Variants in SHISAL1 observed in about 807,000 individuals in gnomAD.
SHISAL1 encodes shisa like 1.
SHISAL1 carries 9 observed loss-of-function variants against 22.6 expected under a neutral mutation model. The ratio of observed to expected loss-of-function variants is 0.40; its 90% CI spans 0.24 to 0.70. SHISAL1 has a LOEUF of 0.70. SHISAL1 is among the 30% of genes least tolerant of loss of function. The pLI is 0.39. For missense variants in SHISAL1, 246 were observed against 270.6 expected, an observed-to-expected ratio of 0.91 and a Z score of 0.64; for synonymous variants, 119 against 115.4, an observed-to-expected ratio of 1.03 and a Z score of -0.20.
the SHISAL1 span, among the ~76,000 whole-genome samples, chr22:44,318,959 C>A: frequency 6.6e-6 from 1 of 152,222 alleles, no homozygotes; most frequent in African/African-American, 2.4e-5. Context: ...CCACAGCTGG[C>A]ACCACCCACA....
At chr22:44,313,383 G>A (rs780931513), upstream of SHISAL1, among the ~76,000 whole-genome samples, 1 of 152,230 alleles carries the variant, frequency 6.6e-6, no homozygotes, top group Non-Finnish European at 1.5e-5. Flanking sequence ...CCCCACACCA[G>A]CCCGGGGAGG....
intron 4 of SHISAL1, among the ~76,000 whole-genome samples, chr22:44,263,224 C>G (rs561050166): frequency 4.6e-5 from 7 of 152,040 alleles, no homozygotes; most frequent in South Asian, 4.2e-4. Flanking sequence ...GCACCCACCA[C>G]CACGCCCAGT....
intron 4 of SHISAL1, among the ~76,000 whole-genome samples, chr22:44,270,379 C>G (rs1331527871): frequency 6.6e-6 from 1 of 152,140 alleles, no homozygotes; most frequent in East Asian, 1.9e-4. Context: ...TGTGGGGTGA[C>G]AAGGACGTGT....
At chr22:44,268,047 C>G (rs1258801281) in intron 4 of SHISAL1, among the ~76,000 whole-genome samples, 1 of 152,208 alleles carries the variant, frequency 6.6e-6, no homozygotes, top group Non-Finnish European at 1.5e-5. Context: ...TGGGGGCTTC[C>G]ATTATTCACA....
At chr22:44,322,835 G>A in the SHISAL1 span, among the ~76,000 whole-genome samples, 1 of 152,156 alleles carries the variant, frequency 6.6e-6, no homozygotes, top group South Asian at 2.1e-4. Context: ...GTCCTCAAAG[G>A]GAAGCTTCTG....
At chr22:44,291,347 A>G (rs1251681152) in intron 3 of SHISAL1, among the ~76,000 whole-genome samples, 1 of 152,220 alleles carries the variant, frequency 6.6e-6, no homozygotes, top group Non-Finnish European at 1.5e-5. Flanking sequence ...AACTAAGCCC[A>G]GGATGACCGA....
At chr22:44,267,135 A>G (rs1322955905) in intron 4 of SHISAL1, among the ~76,000 whole-genome samples, 1 of 152,038 alleles carries the variant, frequency 6.6e-6, no homozygotes, top group Admixed American at 6.5e-5. Context: ...AGGGCAGGGC[A>G]CGCAGCCCAC....
chr22:44,298,242 A>G (rs949936247), intron 2 of SHISAL1, among the ~76,000 whole-genome samples: 8 of 152,222 alleles, frequency 5.3e-5, no homozygotes, highest in African/African-American at 1.7e-4. Flanking sequence ...AGCCCCAAGT[A>G]GACAGCTGTC....
chr22:44,324,233 T>C, the SHISAL1 span, among the ~76,000 whole-genome samples: 2 of 152,166 alleles, frequency 1.3e-5, no homozygotes, highest in Admixed American at 1.3e-4. Context: ...GAGGGAAATA[T>C]GCAGCCCCCA....
At chr22:44,291,161 T>C (rs867670723) in intron 3 of SHISAL1, among the ~76,000 whole-genome samples, 49 of 152,336 alleles carry the variant, frequency 3.2e-4, no homozygotes, top group African/African-American at 1.2e-3. Context: ...CACCACTGCC[T>C]TCTCCTTCTA....
intron 3 of SHISAL1, among the ~76,000 whole-genome samples, chr22:44,290,721 G>A (rs1182131099): frequency 1.3e-5 from 2 of 152,100 alleles, no homozygotes; most frequent in African/African-American, 4.8e-5. Context: ...TTCCTTGTCT[G>A]TGAAATGGGG....
chr22:44,307,358 G>A (rs556463812), intron 1 of SHISAL1, among the ~76,000 whole-genome samples: 11 of 152,190 alleles, frequency 7.2e-5, no homozygotes, highest in Non-Finnish European at 1.2e-4. Flanking sequence ...GAAGGGGGAA[G>A]CTGAGACTCA....
At chr22:44,330,350 C>T in the SHISAL1 span, among the ~76,000 whole-genome samples, 1 of 152,220 alleles carries the variant, frequency 6.6e-6, no homozygotes, top group Non-Finnish European at 1.5e-5. Flanking sequence ...CAGAGAGTCC[C>T]TGTGTGGGGC....
At chr22:44,290,828 T>C (rs1050691124) in intron 3 of SHISAL1, among the ~76,000 whole-genome samples, 3 of 152,138 alleles carry the variant, frequency 2.0e-5, no homozygotes, top group South Asian at 4.2e-4. Flanking sequence ...GCTCGTGTGA[T>C]TAAGGCACAG....
the SHISAL1 span, among the ~76,000 whole-genome samples, chr22:44,322,484 T>TGCTCC: frequency 6.6e-6 from 1 of 152,220 alleles, no homozygotes. Flanking sequence ...AATCCACCTC[T>TGCTCC]GCTCCCTGTC....
chr22:44,292,800 G>A (rs2055361632), intron 3 of SHISAL1, among the ~76,000 whole-genome samples: 1 of 152,234 alleles, frequency 6.6e-6, no homozygotes, highest in South Asian at 2.1e-4. Flanking sequence ...TTGAAACTGG[G>A]CAGCTGGGAA....
intron 4 of SHISAL1, among the ~76,000 whole-genome samples, chr22:44,255,847 T>G (rs932962779): frequency 2.6e-5 from 4 of 152,254 alleles, no homozygotes; most frequent in African/African-American, 9.6e-5. Context: ...TGGTTTGTTT[T>G]GTATCAACCT....
At chr22:44,280,226 G>A (rs1010666076) in intron 4 of SHISAL1, among the ~76,000 whole-genome samples, 1 of 152,184 alleles carries the variant, frequency 6.6e-6, no homozygotes, top group African/African-American at 2.4e-5. Context: ...AGGGGTCAAG[G>A]CTGGGTTGGA....
intron 1 of SHISAL1, among the ~76,000 whole-genome samples, chr22:44,301,446 G>T (rs192206691): frequency 7.9e-5 from 12 of 152,336 alleles, no homozygotes; most frequent in Non-Finnish European, 1.5e-4. Flanking sequence ...AAGGCACACA[G>T]CAGTGCATGA....
Sources: gnomAD v4.1 joint callset for allele counts (sites outside exome capture counted in the v4.1 genomes callset) on GRCh38, gnomAD v4.1.1 for gene constraint, MANE v1.5 for transcripts, NCBI Gene and HGNC (gene_info 2026-07-23, HGNC 2026-07-21) for gene names.